Variants in BACH2 observed in about 807,000 individuals in gnomAD.
BACH2 encodes the protein BACH transcriptional regulator 2.
A neutral mutation model predicts 61.8 loss-of-function variants in BACH2; 5 were observed. That is an observed-to-expected ratio of 0.08 (90% CI 0.04 to 0.17). The LOEUF is 0.17. BACH2 is among the 10% of genes least tolerant of loss of function. The pLI is 1.00. For synonymous variants in BACH2, 446 were observed against 440.1 expected (o/e 1.01, Z -0.17); for missense variants, 824 against 1,091.1 (o/e 0.76, Z 3.45).
intron 6 of BACH2, among the ~76,000 whole-genome samples, chr6:89,966,111 TAC>T (rs1380142290): frequency 1.3e-5 from 2 of 152,208 alleles, no homozygotes; most frequent in African/African-American, 2.4e-5. Context: ...GGAATAAAGC[TAC>T]AGAGTATGCC....
chr6:90,160,312 G>T (rs1785146729), intron 4 of BACH2, among the ~76,000 whole-genome samples: 1 of 152,166 alleles, frequency 6.6e-6, no homozygotes, highest in African/African-American at 2.4e-5. Context: ...AGCAAGGCGG[G>T]GATGAGGCCC....
intron 5 of BACH2, among the ~76,000 whole-genome samples, chr6:90,046,807 T>TC (rs2127793053): frequency 6.7e-6 from 1 of 149,234 alleles, no homozygotes; most frequent in Admixed American, 6.7e-5. Context: ...TTTGGTGACT[T>TC]TTTTTTTTTT....
At chr6:89,971,391 C>G (rs1182612990) in intron 6 of BACH2, among the ~76,000 whole-genome samples, 1 of 152,174 alleles carries the variant, frequency 6.6e-6, no homozygotes, top group Non-Finnish European at 1.5e-5. Context: ...CGAATGCATA[C>G]TGACCACTTT....
At chr6:90,027,868 A>G (rs1778715025) in intron 5 of BACH2, among the ~76,000 whole-genome samples, 1 of 152,238 alleles carries the variant, frequency 6.6e-6, no homozygotes, top group Non-Finnish European at 1.5e-5. Context: ...TCTTATGAAA[A>G]GAAAGTTAAT....
chr6:90,128,578 T>TCAA (rs909136043), intron 4 of BACH2, among the ~76,000 whole-genome samples: 3 of 152,128 alleles, frequency 2.0e-5, no homozygotes, highest in South Asian at 2.1e-4. Flanking sequence ...AGACTCTGTC[T>TCAA]CAACAACAAC....
chr6:89,976,731 G>T (rs1034507288), intron 6 of BACH2, among the ~76,000 whole-genome samples: 1 of 152,068 alleles, frequency 6.6e-6, no homozygotes, highest in Non-Finnish European at 1.5e-5. Context: ...AGCCCTGTTT[G>T]ATCATATAAA....
At chr6:90,292,471 T>C (rs536859965) in intron 1 of BACH2, among the ~76,000 whole-genome samples, 1 of 152,244 alleles carries the variant, frequency 6.6e-6, no homozygotes, top group Non-Finnish European at 1.5e-5. Flanking sequence ...TCAAAAGTAA[T>C]GGATTATTCA....
intron 5 of BACH2, among the ~76,000 whole-genome samples, chr6:90,038,293 C>T (rs1779360596): frequency 6.6e-6 from 1 of 152,194 alleles, no homozygotes; most frequent in Admixed American, 6.5e-5. Flanking sequence ...CTATTATCAG[C>T]ACCCCAGAAT....
chr6:89,984,225 T>A (rs1776114254), intron 6 of BACH2, among the ~76,000 whole-genome samples: 1 of 152,110 alleles, frequency 6.6e-6, no homozygotes, highest in South Asian at 2.1e-4. Context: ...TATCTACAAT[T>A]ACAAGATGTC....
At position 90,137,389 on chromosome 6, in the gene BACH2, C is replaced by T. The variant is rs148687766; in HGVS notation, c.-161-48280G>A. 3.6e-3 allele frequency among the ~76,000 whole-genome samples: 554 copies of T among 152,142 alleles called. 4 individuals are homozygous for T. The highest frequency in any genetic ancestry group is 0.012 in the African/African-American group (518 of 41,506). On this transcript the variant is annotated intron_variant, in intron 4 of 8. Coordinates refer to ENST00000257749, the MANE Select transcript of BACH2 (RefSeq NM_021813.4). ...CATTTGAGTGTAATGTGATGGTTTTCAACTGCTTAAAGAGGCCATAAATCT... is the reference window on the plus strand; with the variant it reads ...CATTTGAGTGTAATGTGATGGTTTTTAACTGCTTAAAGAGGCCATAAATCT...
At chr6:90,209,943 T>C (rs1769285844) in intron 3 of BACH2, among the ~76,000 whole-genome samples, 1 of 152,148 alleles carries the variant, frequency 6.6e-6, no homozygotes, top group African/African-American at 2.4e-5. Flanking sequence ...GACTCTTAAG[T>C]GTGGGGTCTT....
chr6:90,123,003 G>T (rs757538585), intron 4 of BACH2, among the ~76,000 whole-genome samples: 20 of 152,202 alleles, frequency 1.3e-4, no homozygotes, highest in Non-Finnish European at 2.2e-4. Flanking sequence ...GAAGGAGTAG[G>T]GGGTTGAATT....
At chr6:90,144,850 C>G (rs952210134) in intron 4 of BACH2, among the ~76,000 whole-genome samples, 1 of 152,108 alleles carries the variant, frequency 6.6e-6, no homozygotes, top group African/African-American at 2.4e-5. Flanking sequence ...TCCCAGAGAG[C>G]GATCATCCGT....
intron 4 of BACH2, among the ~76,000 whole-genome samples, chr6:90,145,128 T>C (rs1784575319): frequency 6.6e-6 from 1 of 151,922 alleles, no homozygotes; most frequent in Admixed American, 6.6e-5. Flanking sequence ...AATCAGACAC[T>C]GTATGTGGGA....
At position 90,036,653 on chromosome 6, in the gene BACH2, C is replaced by T. The variant is rs570827662; in HGVS notation, c.-12-27797G>A. Among the ~76,000 whole-genome samples, 6 of 152,252 alleles carry T rather than the reference C, an allele frequency of 3.9e-5. No homozygotes were observed. The South Asian group carries it at 1.2e-3, about 32-fold the overall frequency. ...AAAGTAAACTGCAGAAATCAGCACA[C>T]TTTCCCCTAAACATTTCAGCAGGAT... is the stretch of plus-strand genomic sequence containing the variant. On this transcript the variant is annotated intron_variant, in intron 5 of 8. Transcript: ENST00000257749.
At chr6:90,188,204 C>A (rs1456083335) in intron 4 of BACH2, among the ~76,000 whole-genome samples, 1 of 152,200 alleles carries the variant, frequency 6.6e-6, no homozygotes, top group Non-Finnish European at 1.5e-5. Context: ...GTTCTAATTT[C>A]TAAAATGTAA....
chr6:90,043,039 A>C (rs888182832), intron 5 of BACH2, among the ~76,000 whole-genome samples: 2 of 152,178 alleles, frequency 1.3e-5, no homozygotes, highest in Non-Finnish European at 2.9e-5. Flanking sequence ...GTGAGAGAGA[A>C]TGAAAAGAGT....
At chr6:90,218,919 C>CAA (rs1562511059) in intron 3 of BACH2, among the ~76,000 whole-genome samples, 1 of 109,608 alleles carries the variant, frequency 9.1e-6, no homozygotes, top group Non-Finnish European at 1.8e-5. Context: ...GGTTTCCTTT[C>CAA]CGTGTGTGTG....
At chr6:90,244,904 T>C (rs772506158) in intron 3 of BACH2, among the ~76,000 whole-genome samples, 2 of 152,126 alleles carry the variant, frequency 1.3e-5, no homozygotes, top group African/African-American at 4.8e-5. Flanking sequence ...GCTTTAAAAA[T>C]AGGCTTTAGC....
Sources: gnomAD v4.1 joint callset for allele counts (sites outside exome capture counted in the v4.1 genomes callset) on GRCh38, gnomAD v4.1.1 for gene constraint, MANE v1.5 for transcripts, NCBI Gene and HGNC (gene_info 2026-07-23, HGNC 2026-07-21) for gene names.